The following INSIG1 variants were observed in gnomAD, a reference collection of about 807,000 sequenced individuals.
INSIG1 encodes the protein insulin-induced gene 1 protein.
Under a neutral mutation model 26.5 loss-of-function variants are expected in INSIG1, and 14 were observed. The observed-to-expected ratio is 0.53, with a 90% CI of 0.35 to 0.83. The LOEUF is 0.83. Ranked by LOEUF, INSIG1 falls within the 40% of genes least tolerant of loss-of-function variation. INSIG1 has a pLI of 0.01. For synonymous variants in INSIG1, 147 were observed against 153.3 expected (o/e 0.96, Z 0.30); for missense variants, 272 against 368.9 (o/e 0.74, Z 2.15).
rs78105975 is a variant in INSIG1, at chr7:155,298,852, G to T, written c.412+155G>T. ...TTGGGATTTAGAGAAATGAAGGAGGGGTAGAGAGGACCTGGCACCCCCGAG... is the reference window on the plus strand; with the variant it reads ...TTGGGATTTAGAGAAATGAAGGAGGTGTAGAGAGGACCTGGCACCCCCGAG... On this transcript the variant is annotated intron_variant, in intron 2 of 5. Transcript: ENST00000340368. Among the ~76,000 whole-genome samples the T allele has an allele frequency of 3.3e-3, 498 of 152,344 alleles. 13 individuals are homozygous for T. In the East Asian group the frequency reaches 0.061, roughly 19 times the overall value.
rs139433883 is a variant in INSIG1, at chr7:155,302,125, G to C, written c.538-126G>C. On this transcript the variant is annotated intron_variant, in intron 3 of 5. Coordinates refer to ENST00000340368, the MANE Select transcript of INSIG1 (RefSeq NM_005542.6). The surrounding 1 kb of genome is among the most constrained non-coding windows in gnomAD (Gnocchi z 4.3). ...AATCCTTTCTTTAGCTTATTACACAGTTTTTATGGACAGTGAATTATCTGT... is the reference window on the plus strand; with the variant it reads ...AATCCTTTCTTTAGCTTATTACACACTTTTTATGGACAGTGAATTATCTGT... 8.1e-3 allele frequency: 5,581 copies of C among 684,938 alleles called. 98 individuals are homozygous for C. Among genetic ancestry groups the C allele is most frequent in the African/African-American group, 0.058 (3,106 of 53,696 alleles). The allele number at this position is 684,938 out of a possible 1,614,324, so 42.4% of individuals were successfully genotyped here. A position where few individuals can be genotyped will look rare whatever the true frequency, so the allele number is the denominator to read the frequency against.
In INSIG1 at chr7:155,302,912, A is replaced by G. The variant is rs1421481065; in HGVS notation, c.804+66A>G. 3.8e-6 allele frequency: 4 copies of G among 1,064,126 alleles called. No individual in the cohort carries two copies. The highest frequency in any genetic ancestry group is 3.5e-5 in the Admixed American group (2 of 56,816). The allele number at this position is 1,064,126 out of a possible 1,614,324, so 65.9% of individuals were successfully genotyped here. ...CTTTACCTTGATAGAATGACTTTACATGATACATTCAAATTTGCGTTCATA... is the reference window on the plus strand; with the variant it reads ...CTTTACCTTGATAGAATGACTTTACGTGATACATTCAAATTTGCGTTCATA... On this transcript the variant is annotated intron_variant, in intron 5 of 5. Transcript: ENST00000340368. The surrounding 1 kb of genome is among the most constrained non-coding windows in gnomAD (Gnocchi z 4.3).
At position 155,302,878 on chromosome 7, in the gene INSIG1, C is replaced by T; in HGVS notation, c.804+32C>T. On this transcript the variant is annotated intron_variant, in intron 5 of 5. Transcript: ENST00000340368. This position sits in a 1 kb window ranked among gnomAD's most constrained non-coding sequence, Gnocchi z 4.3. The stretch of plus-strand genomic sequence containing the variant: ...GAAATGATCATATTATCTTCTAAAA[C>T]TTGCGTCTCTTTACCTTGATAGAAT... 1 of 1,414,466 alleles carries T rather than the reference C, an allele frequency of 7.1e-7. No individual in the cohort carries two copies. The allele number at this position is 1,414,466 out of a possible 1,614,324, so 87.6% of individuals were successfully genotyped here.
chr7:155,308,300 GGAAGATTTTGGAA>G lies in INSIG1; in HGVS notation c.*34_*46del. 1 of 1,612,604 alleles carries G rather than the reference GGAAGATTTTGGAA, an allele frequency of 6.2e-7. No individual in the cohort carries two copies. The highest frequency in any genetic ancestry group is 8.5e-7 in the Non-Finnish European group (1 of 1,178,796). On this transcript the variant is annotated 3_prime_UTR_variant, in exon 6 of 6. Coordinates refer to ENST00000340368, the MANE Select transcript of INSIG1 (RefSeq NM_005542.6). ...TCAAAACCACCGATTCTGAGAGCAA[GGAAGATTTTGGAA>G]GAAAATCTGACTGTGGATTATGACA...
rs752876373 is a variant in INSIG1, at chr7:155,298,544, A to C, written c.259A>C (p.Arg87=). The change falls in exon 2 of 6, where the codon AGG becomes CGG. Residue 87 remains arginine (R), a synonymous_variant. Coordinates refer to ENST00000340368, the MANE Select transcript of INSIG1 (RefSeq NM_005542.6). ...CACCTGGCATCATCGCCTGTTGCAG[A>C]GGAGCCTCGTGCTCTTCTCGGTTGG... ...PNTWHHRLLQ[R]SLVLFSVGVV... is the part of the protein sequence containing the mutation. 6.2e-7 allele frequency: 1 copy of C among 1,606,088 alleles called. No homozygotes were observed. The highest frequency in any genetic ancestry group is 1.1e-5 in the South Asian group (1 of 89,798).
intron 5 of INSIG1, among the ~76,000 whole-genome samples, chr7:155,307,455 C>T (rs1439588429): frequency 6.6e-6 from 1 of 152,196 alleles, no homozygotes; most frequent in Non-Finnish European, 1.5e-5. Flanking sequence ...CTCTTTTGCC[C>T]TTTAGCAGAA....
chr7:155,307,441 G>A (rs897437823), intron 5 of INSIG1, among the ~76,000 whole-genome samples: 4 of 152,238 alleles, frequency 2.6e-5, no homozygotes, highest in African/African-American at 4.8e-5. Flanking sequence ...CTGTATGGAG[G>A]TTTCTCTTTT....
chr7:155,300,034 A>T (rs945180672), intron 2 of INSIG1, among the ~76,000 whole-genome samples: 9 of 152,190 alleles, frequency 5.9e-5, no homozygotes, highest in Non-Finnish European at 1.2e-4. Context: ...TTGTTCTCGG[A>T]GGGACGGGAT....
intron 5 of INSIG1, among the ~76,000 whole-genome samples, chr7:155,303,462 G>A (rs560306524): frequency 6.6e-6 from 1 of 152,318 alleles, no homozygotes; most frequent in Admixed American, 6.5e-5. Context: ...CGCTGCACGT[G>A]GCCGGGTCAC....
intron 5 of INSIG1, among the ~76,000 whole-genome samples, chr7:155,304,117 C>A (rs1273120439): frequency 6.6e-6 from 1 of 152,030 alleles, no homozygotes; most frequent in African/African-American, 2.4e-5. Flanking sequence ...GCACATGCCA[C>A]CATACCCGGC....
chr7:155,299,427 G>A (rs762394430), intron 2 of INSIG1, among the ~76,000 whole-genome samples: 41 of 152,194 alleles, frequency 2.7e-4, no homozygotes, highest in Non-Finnish European at 5.0e-4. Flanking sequence ...TCATTGAACC[G>A]CTTTTATAGA....
At chr7:155,299,479 C>A (rs559487409) in intron 2 of INSIG1, among the ~76,000 whole-genome samples, 1 of 152,192 alleles carries the variant, frequency 6.6e-6, no homozygotes, top group African/African-American at 2.4e-5. Flanking sequence ...CTTACTGCTC[C>A]TGTAGTCACA....
In INSIG1 at chr7:155,302,283, C is replaced by T; in HGVS notation, c.570C>T (p.Ser190=). ...KLDFANNVQL[S]LTLAALSLGL... The stretch of plus-strand genomic sequence containing the variant: ...ATTTTGCCAATAATGTCCAGCTGTC[C>T]TTGACTTTAGCAGCCCTATCTTTGG... Residue 190 remains serine (S), a synonymous_variant, in exon 4 of 6, where the codon TCC becomes TCT. Transcript: ENST00000340368. The surrounding 1 kb of genome is among the most constrained non-coding windows in gnomAD (Gnocchi z 4.3). 1.3e-6 allele frequency: 2 copies of T among 1,594,782 alleles called. No homozygotes were observed. The highest frequency in any genetic ancestry group is 1.7e-6 in the Non-Finnish European group (2 of 1,172,518).
chr7:155,301,606 C>G lies in INSIG1; in HGVS notation c.453C>G (p.Leu151=). 1 of 1,611,100 alleles carries G rather than the reference C, an allele frequency of 6.2e-7. No individual in the cohort carries two copies. The highest frequency in any genetic ancestry group is 8.5e-7 in the Non-Finnish European group (1 of 1,177,842). Residue 151 remains leucine, a synonymous_variant, in exon 3 of 6, where the codon CTC becomes CTG. Coordinates refer to ENST00000340368, the MANE Select transcript of INSIG1 (RefSeq NM_005542.6). ...GLLYPCIDSH[L]GEPHKFKREW... is the part of the protein sequence containing the mutation. ...TGTACCCCTGTATCGACAGTCACCT[C>G]GGAGAACCCCACAAATTTAAGAGAG...
rs1447988255 is a variant in INSIG1, at chr7:155,308,867, CGTGT to C, written c.*602_*605del. On this transcript the variant is annotated 3_prime_UTR_variant, in exon 6 of 6. Transcript: ENST00000340368. The stretch of plus-strand genomic sequence containing the variant: ...GCAGTGGCGTGTTTACATGGTCACA[CGTGT>C]GTGTATCACCAGTGGGTCAACTGCT... 1.3e-5 allele frequency: 2 copies of C among 152,990 alleles called. No individual in the cohort carries two copies. The highest frequency in any genetic ancestry group is 2.9e-5 in the Non-Finnish European group (2 of 68,278). The allele number at this position is 152,990 out of a possible 1,614,324, so 9.5% of individuals were successfully genotyped here. A position where few individuals can be genotyped will look rare whatever the true frequency, so the allele number is the denominator to read the frequency against.
Position 155,298,617 on chromosome 7 carries a change from T to G in INSIG1, c.332T>G (p.Val111Gly). The G allele has an allele frequency of 6.2e-7, 1 of 1,613,520 alleles. No homozygotes were observed. ...AACCTGCTGCAGATCCAGAGGAATGTCACTCTCTTCCCCGAGGAGGTGATC... is the reference window on the plus strand; with the variant it reads ...AACCTGCTGCAGATCCAGAGGAATGGCACTCTCTTCCCCGAGGAGGTGATC... ...VLNLLQIQRN[V>G]TLFPEEVIAT... Residue 111 changes from valine (V) to glycine (G), a missense_variant, in exon 2 of 6, where the codon GTC becomes GGC. Transcript: ENST00000340368.
In INSIG1 at chr7:155,301,707, G is replaced by T; in HGVS notation, c.537+17G>T. ...GCCAGTGCTGTATCCTTAATTTTCT[G>T]TGCTACGTCCAGAGTATCTTCTTAG... On this transcript the variant is annotated intron_variant, in intron 3 of 5. Coordinates refer to ENST00000340368, the MANE Select transcript of INSIG1 (RefSeq NM_005542.6). The T allele has an allele frequency of 6.5e-7, 1 of 1,542,828 alleles. No individual in the cohort carries two copies. The highest frequency in any genetic ancestry group is 8.8e-7 in the Non-Finnish European group (1 of 1,136,320).
Position 155,302,147 on chromosome 7 carries a change from C to G in INSIG1, c.538-104C>G. 1 of 826,912 alleles carries G rather than the reference C, an allele frequency of 1.2e-6. No homozygotes were observed. Among genetic ancestry groups the G allele is most frequent in the Middle Eastern group, 2.9e-4 (1 of 3,428 alleles). The allele number at this position is 826,912 out of a possible 1,614,324, so 51.2% of individuals were successfully genotyped here. A position where few individuals can be genotyped will look rare whatever the true frequency, so the allele number is the denominator to read the frequency against. ...ACAGTTTTTATGGACAGTGAATTAT[C>G]TGTGGTACAATAATAAAATACCCAT... On this transcript the variant is annotated intron_variant, in intron 3 of 5. Coordinates refer to ENST00000340368, the MANE Select transcript of INSIG1 (RefSeq NM_005542.6). The surrounding 1 kb of genome is among the most constrained non-coding windows in gnomAD (Gnocchi z 4.3).
chr7:155,308,323 A>AC lies in INSIG1; in HGVS notation c.*54dup. 6.2e-7 allele frequency: 1 copy of AC among 1,604,596 alleles called. No homozygotes were observed. Among genetic ancestry groups the AC allele is most frequent in the Non-Finnish European group, 8.5e-7 (1 of 1,171,522 alleles). ...AAGGAAGATTTTGGAAGAAAATCTG[A>AC]CTGTGGATTATGACAAAGATTATCT... On this transcript the variant is annotated 3_prime_UTR_variant, in exon 6 of 6. Transcript: ENST00000340368.
Sources: gnomAD v4.1 joint callset for allele counts (sites outside exome capture counted in the v4.1 genomes callset) on GRCh38, gnomAD v4.1.1 for gene constraint, Gnocchi (gnomAD v3.1) non-coding constraint, MANE v1.5 for transcripts, NCBI Gene and HGNC (gene_info 2026-07-23, HGNC 2026-07-21) for gene names.